Variants in CD96 observed in about 807,000 individuals in gnomAD.
CD96 encodes the protein CD96 molecule, also known as T-cell surface protein tactile.
A neutral mutation model predicts 71.3 loss-of-function variants in CD96; 70 were observed. The ratio of observed to expected loss-of-function variants is 0.98; its 90% CI spans 0.81 to 1.20. The LOEUF is 1.20. Ranked by LOEUF, CD96 falls within the 50% of genes most tolerant of loss-of-function variation. CD96 has a pLI of 0.00. For missense variants in CD96, 742 were observed against 677.5 expected (o/e 1.10, Z -1.06); for synonymous variants, 248 against 233.0 (o/e 1.06, Z -0.59).
At chr3:111,639,166 C>A (rs1939475064) in intron 12 of CD96, among the ~76,000 whole-genome samples, 1 of 152,166 alleles carries the variant, frequency 6.6e-6, no homozygotes, top group Non-Finnish European at 1.5e-5. Flanking sequence ...CTGAAGGAAG[C>A]AGACAGCCTC....
intron 7 of CD96, among the ~76,000 whole-genome samples, chr3:111,602,555 G>C (rs1448780088): frequency 6.6e-6 from 1 of 152,008 alleles, no homozygotes; most frequent in African/African-American, 2.4e-5. Context: ...ATCCCATTCT[G>C]GCATATATCT....
In CD96 at chr3:111,616,631, A is replaced by G. The variant is rs117599874; in HGVS notation, c.1181-7123A>G. ...ATAAATATAGTCTTTAGTGTCAGACAGCCTTGGGTTCAGTTGTTGTCTCTG... is the reference window on the plus strand; with the variant it reads ...ATAAATATAGTCTTTAGTGTCAGACGGCCTTGGGTTCAGTTGTTGTCTCTG... On this transcript the variant is annotated intron_variant, in intron 8 of 13. Coordinates refer to ENST00000352690, the MANE Select transcript of CD96 (RefSeq NM_005816.5). Among the ~76,000 whole-genome samples, 2,989 of 152,328 alleles carry G rather than the reference A, an allele frequency of 0.02. 228 individuals carry two copies. The East Asian group carries it at 0.23, about 12-fold the overall frequency.
chr3:111,576,085 G>A (rs1163395191), intron 3 of CD96, among the ~76,000 whole-genome samples: 1 of 152,128 alleles, frequency 6.6e-6, no homozygotes, highest in East Asian at 1.9e-4. Context: ...TAAGTGTCAG[G>A]ACTAGAGTAA....
chr3:111,579,105 A>G lies in CD96; in HGVS notation c.622A>G (p.Lys208Glu). Residue 208 changes from lysine to glutamate, a missense_variant, in exon 4 of 14, where the codon AAG becomes GAG. Physicochemically the swap from Lys to Glu is moderately conservative, Grantham distance 56 (BLOSUM62 1). Transcript: ENST00000352690. ...TTCCACATTACTTAAAGATAGAGTC[A>G]AGCTTGGTACAGACTACAGACTCCA... The part of the protein sequence containing the change: ...SNSTLLKDRV[K>E]LGTDYRLHLS... 1 of 1,604,962 alleles carries G rather than the reference A, an allele frequency of 6.2e-7. No individual in the cohort carries two copies. Among genetic ancestry groups the G allele is most frequent in the Non-Finnish European group, 8.5e-7 (1 of 1,171,570 alleles).
chr3:111,657,948 A>G (rs1030348724), intron 14 of CD96, among the ~76,000 whole-genome samples: 10 of 152,168 alleles, frequency 6.6e-5, no homozygotes, highest in Admixed American at 2.0e-4. Context: ...TGCATTGCAA[A>G]TATGTATATG....
intron 3 of CD96, chr3:111,570,886 C>G: frequency 6.2e-7 from 1 of 1,605,390 alleles, no homozygotes; most frequent in Non-Finnish European, 8.5e-7. Flanking sequence ...GTGGGCAGCT[C>G]ATGGTATCGA....
chr3:111,572,100 G>A (rs907040158), intron 3 of CD96, among the ~76,000 whole-genome samples: 5 of 152,182 alleles, frequency 3.3e-5, no homozygotes, highest in Non-Finnish European at 7.3e-5. Context: ...AGAGATTTAA[G>A]ATGTTAATGA....
chr3:111,593,404 G>A, intron 5 of CD96: 1 of 1,075,236 alleles, frequency 9.3e-7, no homozygotes, highest in East Asian at 2.6e-5. Context: ...GACCTGCTCA[G>A]ATTAACTCAT....
chr3:111,656,742 A>G (rs1265763873), downstream of CD96, among the ~76,000 whole-genome samples: 1 of 152,178 alleles, frequency 6.6e-6, no homozygotes, highest in Non-Finnish European at 1.5e-5. Context: ...TTATTAAGGG[A>G]AAAAGGTGAA....
At chr3:111,618,527 T>A (rs913594580) in intron 8 of CD96, among the ~76,000 whole-genome samples, 2 of 151,996 alleles carry the variant, frequency 1.3e-5, no homozygotes, top group African/African-American at 4.8e-5. Flanking sequence ...TCAAGACCTT[T>A]ATATGTAATT....
chr3:111,633,703 T>A (rs1383716777), intron 10 of CD96: 1 of 152,700 alleles, frequency 6.5e-6, no homozygotes, highest in South Asian at 2.1e-4. Flanking sequence ...CAGGTGGACA[T>A]GGCAAAACTG....
At chr3:111,586,400 C>G (rs565256318) in intron 5 of CD96, among the ~76,000 whole-genome samples, 1 of 152,256 alleles carries the variant, frequency 6.6e-6, no homozygotes, top group East Asian at 1.9e-4. Flanking sequence ...CAAATCATAG[C>G]TTAGATTGTT....
At chr3:111,665,197 G>GTA (rs1245025956) in intron 14 of CD96, among the ~76,000 whole-genome samples, 5 of 141,442 alleles carry the variant, frequency 3.5e-5, no homozygotes, top group African/African-American at 1.3e-4. Flanking sequence ...GTGTGTGTAT[G>GTA]TGTGTGTGTG....
rs548073808 is a variant in CD96, at chr3:111,624,473, G to A, written c.1321+69G>A. 8.7e-5 allele frequency: 75 copies of A among 861,030 alleles called. 1 individual carries two copies. Among genetic ancestry groups the A allele is most frequent in the Non-Finnish European group, 1.1e-4 (54 of 495,094 alleles). The allele number at this position is 861,030 out of a possible 1,614,324, so 53.3% of individuals were successfully genotyped here. ...CATTCATCCGACAGATATATTGAAC[G>A]ACATCTATGTGCTTTGTTTGTAATA... On this transcript the variant is annotated intron_variant, in intron 10 of 13. Coordinates refer to ENST00000352690, the MANE Select transcript of CD96 (RefSeq NM_005816.5).
chr3:111,614,498 C>T (rs1372922866), intron 8 of CD96, among the ~76,000 whole-genome samples: 1 of 152,166 alleles, frequency 6.6e-6, no homozygotes, highest in Non-Finnish European at 1.5e-5. Flanking sequence ...TGGCTGCTGT[C>T]CCTTGGTGCA....
intron 5 of CD96, chr3:111,595,096 C>A (rs530567212): frequency 6.0e-6 from 1 of 167,108 alleles, no homozygotes; most frequent in Non-Finnish European, 1.5e-5. Context: ...TAAGACCTTC[C>A]TGAGGCAACT....
intron 3 of CD96, among the ~76,000 whole-genome samples, chr3:111,572,334 C>A (rs1168723332): frequency 6.6e-6 from 1 of 152,186 alleles, no homozygotes; most frequent in Admixed American, 6.5e-5. Flanking sequence ...AGCTCTCTTA[C>A]CTCTTTTCAT....
At chr3:111,568,236 GACAA>G (rs1340102779) in intron 3 of CD96, among the ~76,000 whole-genome samples, 3 of 151,916 alleles carry the variant, frequency 2.0e-5, no homozygotes, top group African/African-American at 4.8e-5. Flanking sequence ...ACAAAAAACA[GACAA>G]ACAAACAAAA....
chr3:111,548,904 T>G (rs552178146), intron 2 of CD96, among the ~76,000 whole-genome samples: 1 of 152,268 alleles, frequency 6.6e-6, no homozygotes, highest in African/African-American at 2.4e-5. Context: ...GTGCTTACAG[T>G]GCTAGACACT....
Sources: allele counts gnomAD v4.1 joint callset (sites outside exome capture counted in the v4.1 genomes callset), GRCh38; gene constraint gnomAD v4.1.1; transcripts MANE v1.5; gene names NCBI Gene and HGNC (gene_info 2026-07-23, HGNC 2026-07-21).